The following PTGER3 variants were observed in gnomAD, a reference collection of about 807,000 sequenced individuals.
PTGER3 encodes the protein prostaglandin E receptor 3, also known as prostaglandin E2 receptor EP3 subtype.
A neutral mutation model predicts 34.7 loss-of-function variants in PTGER3; 22 were observed. The ratio of observed to expected loss-of-function variants is 0.63; its 90% CI spans 0.45 to 0.91. The LOEUF (loss-of-function observed/expected upper bound fraction) is 0.91, where lower values mean the gene tolerates loss of function less well. PTGER3 is among the 40% of genes least tolerant of loss of function. PTGER3 has a pLI of 0.00. For missense variants in PTGER3, 468 were observed against 519.4 expected, an observed-to-expected ratio of 0.90 and a Z score of 0.96; for synonymous variants, 241 against 230.1, an observed-to-expected ratio of 1.05 and a Z score of -0.43.
intron 1 of PTGER3, among the ~76,000 whole-genome samples, chr1:71,021,590 T>C (rs1430347630): frequency 1.3e-5 from 2 of 149,896 alleles, no homozygotes; most frequent in Non-Finnish European, 2.9e-5. Context: ...TTGTCAAGGC[T>C]TAAAGTACAT....
At chr1:70,852,618 A>T in exon 5 of PTGER3, 2 of 603,438 alleles carry the variant, frequency 3.3e-6, no homozygotes, top group South Asian at 4.2e-5. Flanking sequence ...AAACAATAGG[A>T]CATAAGTTTA....
intron 4 of PTGER3, among the ~76,000 whole-genome samples, chr1:70,932,604 T>C (rs1648815955): frequency 6.6e-6 from 1 of 152,126 alleles, no homozygotes; most frequent in Non-Finnish European, 1.5e-5. Context: ...CAAAAACCCC[T>C]GATAAAACCA....
chr1:71,040,425 A>T (rs972527792), intron 1 of PTGER3, among the ~76,000 whole-genome samples: 3 of 151,822 alleles, frequency 2.0e-5, no homozygotes, highest in Non-Finnish European at 4.4e-5. Flanking sequence ...AACATGGTGA[A>T]ATCCCGTCTC....
At chr1:70,894,760 C>T (rs1051513970) in intron 4 of PTGER3, among the ~76,000 whole-genome samples, 1 of 152,152 alleles carries the variant, frequency 6.6e-6, no homozygotes, top group Non-Finnish European at 1.5e-5. Flanking sequence ...GTATGTGAAT[C>T]CTTATAACAG....
chr1:70,864,768 A>G (rs1646004724), intron 4 of PTGER3, among the ~76,000 whole-genome samples: 1 of 152,226 alleles, frequency 6.6e-6, no homozygotes, highest in African/African-American at 2.4e-5. Context: ...TGAGGCAGAT[A>G]CTATTATCAG....
intron 4 of PTGER3, among the ~76,000 whole-genome samples, chr1:70,921,319 G>T (rs1329454726): frequency 2.0e-5 from 3 of 152,290 alleles, no homozygotes; most frequent in African/African-American, 7.2e-5. Flanking sequence ...TCACTGCAAA[G>T]GGTGGGTCTT....
At chr1:71,028,113 A>T (rs1438541089) in intron 1 of PTGER3, among the ~76,000 whole-genome samples, 1 of 152,184 alleles carries the variant, frequency 6.6e-6, no homozygotes, top group African/African-American at 2.4e-5. Context: ...GCTCATGGAC[A>T]TAGTTATTTT....
intron 4 of PTGER3, among the ~76,000 whole-genome samples, chr1:70,921,644 TA>T (rs61498747): frequency 7.3e-5 from 11 of 150,230 alleles, no homozygotes; most frequent in South Asian, 6.3e-4. Flanking sequence ...TGCAGGTCCC[TA>T]AAAAAAAATA....
At chr1:70,939,524 C>T (rs559624569) in intron 4 of PTGER3, among the ~76,000 whole-genome samples, 23 of 152,354 alleles carry the variant, frequency 1.5e-4, no homozygotes, top group African/African-American at 1.9e-4. Context: ...ATCAGGGCTC[C>T]GCCCCTGCAG....
At chr1:70,894,590 C>A (rs892301430) in intron 4 of PTGER3, among the ~76,000 whole-genome samples, 7 of 152,052 alleles carry the variant, frequency 4.6e-5, no homozygotes, top group Non-Finnish European at 1.0e-4. Context: ...AATTATTGAA[C>A]TCCTGGAAGA....
At chr1:70,852,809 AGTGAT>A in exon 5 of PTGER3, 1 of 1,612,182 alleles carries the variant, frequency 6.2e-7, no homozygotes, top group Non-Finnish European at 8.5e-7. Flanking sequence ...TGGAGCTTCC[AGTGAT>A]GTGATCCTGG....
At chr1:70,875,500 A>AGG (rs1646253993) in intron 4 of PTGER3, among the ~76,000 whole-genome samples, 2 of 152,268 alleles carry the variant, frequency 1.3e-5, no homozygotes, top group South Asian at 4.2e-4. Context: ...GTTTAGAGGT[A>AGG]CATGTGTAGG....
In PTGER3 at chr1:71,047,533, G is replaced by T. The variant is rs1209366632; in HGVS notation, c.45C>A (p.Thr15=). The change falls in exon 1 of 4, where the codon ACC becomes ACA. Residue 15 remains threonine, a synonymous_variant. Coordinates refer to ENST00000306666, the MANE Select transcript of PTGER3 (RefSeq NM_198719.2). The part of the protein sequence containing the change: ...RGYGGDAPFC[T]RLNHSYTGMW... ...TGCCTGTGTAGGAGTGGTTGAGGCGGGTGCAGAAGGGGGCATCCCCTCCGT... is the reference window on the plus strand; with the variant it reads ...TGCCTGTGTAGGAGTGGTTGAGGCGTGTGCAGAAGGGGGCATCCCCTCCGT... 1.3e-6 allele frequency: 2 copies of T among 1,583,290 alleles called. No homozygotes were observed. Among genetic ancestry groups the T allele is most frequent in the Admixed American group, 3.6e-5 (2 of 55,374 alleles).
chr1:70,952,860 A>C (rs1320585499), exon 4 of PTGER3: 12 of 1,532,006 alleles, frequency 7.8e-6, no homozygotes, highest in African/African-American at 5.5e-5. Context: ...CAGCTGGAGG[A>C]GCTTGCTTTT....
chr1:70,966,512 A>G (rs111862790), downstream of PTGER3, among the ~76,000 whole-genome samples: 359 of 152,232 alleles, frequency 2.4e-3, no homozygotes, highest in African/African-American at 8.3e-3. Context: ...GGATGCATGC[A>G]CAAAACGTGC....
chr1:70,970,052 A>T (rs76492831), downstream of PTGER3, among the ~76,000 whole-genome samples: 9 of 152,296 alleles, frequency 5.9e-5, no homozygotes, highest in East Asian at 1.7e-3. Context: ...TGCTTCTGTT[A>T]CCACATCACT....
At chr1:71,017,697 G>C (rs1467450138) in intron 1 of PTGER3, among the ~76,000 whole-genome samples, 1 of 152,102 alleles carries the variant, frequency 6.6e-6, no homozygotes, top group Admixed American at 6.5e-5. Context: ...AGATGTGTCT[G>C]CTTCCCCTTC....
At chr1:71,031,516 T>C (rs1572981417) in intron 1 of PTGER3, among the ~76,000 whole-genome samples, 1 of 152,188 alleles carries the variant, frequency 6.6e-6, no homozygotes, top group East Asian at 1.9e-4. Context: ...AGCATAGGGG[T>C]AAATAACCCA....
chr1:70,889,427 A>AAG (rs1646569394), intron 4 of PTGER3, among the ~76,000 whole-genome samples: 2 of 151,402 alleles, frequency 1.3e-5, no homozygotes, highest in African/African-American at 4.9e-5. Context: ...AAAAAAAAAA[A>AAG]AAAAAAAAGA....
Sources: allele counts gnomAD v4.1 joint callset (sites outside exome capture counted in the v4.1 genomes callset), GRCh38; gene constraint gnomAD v4.1.1; transcripts MANE v1.5; gene names NCBI Gene and HGNC (gene_info 2026-07-23, HGNC 2026-07-21).